The following RNGTT variants were observed in gnomAD, a reference collection of about 807,000 sequenced individuals.
RNGTT encodes mRNA-capping enzyme.
Under a neutral mutation model 79.3 loss-of-function variants are expected in RNGTT, and 33 were observed. The observed-to-expected ratio is 0.42, with a 90% CI of 0.32 to 0.56. The LOEUF is 0.56. Ranked by LOEUF, RNGTT falls within the 20% of genes least tolerant of loss-of-function variation. RNGTT has a pLI of 0.17. For missense variants in RNGTT, 497 were observed against 739.1 expected (o/e 0.67, Z 3.80); for synonymous variants, 222 against 235.9 (o/e 0.94, Z 0.54).
intron 8 of RNGTT, among the ~76,000 whole-genome samples, chr6:88,855,197 A>G (rs1022341456): frequency 2.0e-5 from 3 of 152,220 alleles, no homozygotes; most frequent in African/African-American, 7.2e-5. Context: ...GCAACGACTG[A>G]AAGATGCAGC....
intron 9 of RNGTT, among the ~76,000 whole-genome samples, chr6:88,850,327 T>C (rs1269932579): frequency 6.6e-6 from 1 of 152,022 alleles, no homozygotes; most frequent in Admixed American, 6.5e-5. Context: ...TACTAGGCTT[T>C]GTTCAAAGGG....
intron 8 of RNGTT, among the ~76,000 whole-genome samples, chr6:88,866,616 A>C (rs1419726391): frequency 1.3e-5 from 2 of 152,198 alleles, no homozygotes; most frequent in African/African-American, 2.4e-5. Context: ...CTGATCATCT[A>C]AAGTCCAGAA....
At chr6:88,774,013 G>A (rs901797792) in intron 12 of RNGTT, among the ~76,000 whole-genome samples, 7 of 152,048 alleles carry the variant, frequency 4.6e-5, no homozygotes, top group African/African-American at 1.4e-4. Flanking sequence ...TCAAGAAAGT[G>A]AAAAGACAAC....
chr6:88,611,050 C>T lies in RNGTT; in HGVS notation c.*1669G>A, dbSNP rs985621425. The T allele has an allele frequency of 1.3e-5, 2 of 152,040 alleles. No individual in the cohort carries two copies. Among genetic ancestry groups the T allele is most frequent in the Non-Finnish European group, 2.9e-5 (2 of 68,020 alleles). 9.4% of individuals were successfully genotyped at this position (152,040 alleles called of 1,614,324 possible). ...TCAGTTGTTTTAATCCCTTTAGCGCCCAAATGTGCAAAAACACTCTAGTAA... is the reference window on the plus strand; with the variant it reads ...TCAGTTGTTTTAATCCCTTTAGCGCTCAAATGTGCAAAAACACTCTAGTAA... On this transcript the variant is annotated 3_prime_UTR_variant, in exon 16 of 16. Coordinates refer to ENST00000369485, the MANE Select transcript of RNGTT (RefSeq NM_003800.5).
chr6:88,882,781 T>C (rs368427931), intron 8 of RNGTT, among the ~76,000 whole-genome samples: 2 of 152,326 alleles, frequency 1.3e-5, no homozygotes, highest in East Asian at 3.9e-4. Context: ...GCACAAAGCA[T>C]TCGCCCCTTC....
chr6:88,766,949 C>T (rs1217709524), intron 13 of RNGTT, among the ~76,000 whole-genome samples: 1 of 152,044 alleles, frequency 6.6e-6, no homozygotes, highest in East Asian at 1.9e-4. Flanking sequence ...CTAGTATAGA[C>T]ATATTTCTTA....
chr6:88,809,632 T>G (rs913303115), intron 11 of RNGTT, among the ~76,000 whole-genome samples: 1 of 152,052 alleles, frequency 6.6e-6, no homozygotes, highest in Non-Finnish European at 1.5e-5. Context: ...AAAGAAGAAA[T>G]TAAAAGGGAA....
chr6:88,836,396 A>G lies in RNGTT; in HGVS notation c.1269+7961T>C, dbSNP rs146615369. Reference sequence around the variant, plus strand: ...TTTAAAACTCTCACAATCCTGGGAAAGATGAAAAAATAAACCAAAACCGCA... The same window carrying G: ...TTTAAAACTCTCACAATCCTGGGAAGGATGAAAAAATAAACCAAAACCGCA... On this transcript the variant is annotated intron_variant, in intron 11 of 15. Transcript: ENST00000369485. Among the ~76,000 whole-genome samples the G allele has an allele frequency of 5.1e-3, 771 of 152,244 alleles. 5 individuals carry two copies. Among genetic ancestry groups the G allele is most frequent in the African/African-American group, 0.017 (715 of 41,538 alleles).
chr6:88,737,976 C>T (rs1433658144), intron 13 of RNGTT, among the ~76,000 whole-genome samples: 1 of 152,126 alleles, frequency 6.6e-6, no homozygotes. Flanking sequence ...GTAGGCTTCA[C>T]ATAGTGATTT....
intron 2 of RNGTT, 101 bp from the exon 3 acceptor site, chr6:88,929,368 G>A (rs932980469): frequency 1.4e-5 from 10 of 709,838 alleles, no homozygotes; most frequent in Non-Finnish European, 2.4e-5. Context: ...CATTTACATT[G>A]AGGGAGATTC....
intron 4 of RNGTT, among the ~76,000 whole-genome samples, chr6:88,917,933 A>G (rs1214869590): frequency 6.6e-6 from 1 of 152,168 alleles, no homozygotes; most frequent in Non-Finnish European, 1.5e-5. Context: ...AAGAACAAAA[A>G]CACAGGGTCA....
intron 2 of RNGTT, among the ~76,000 whole-genome samples, chr6:88,939,716 T>A (rs1784784615): frequency 6.6e-6 from 1 of 151,894 alleles, no homozygotes; most frequent in Non-Finnish European, 1.5e-5. Context: ...CTCTTTCATG[T>A]TTGCCATGTC....
chr6:88,730,203 C>A (rs1777060828), intron 13 of RNGTT, among the ~76,000 whole-genome samples: 1 of 152,186 alleles, frequency 6.6e-6, no homozygotes. Context: ...TCTTTGCCTT[C>A]TACTTTTAAA....
intron 13 of RNGTT, among the ~76,000 whole-genome samples, chr6:88,765,502 C>T (rs75429403): frequency 0.013 from 1,966 of 152,148 alleles, 43 homozygotes; most frequent in African/African-American, 0.045. Context: ...TCATCTTAGC[C>T]CATTAGCTTG....
intron 11 of RNGTT, among the ~76,000 whole-genome samples, chr6:88,823,950 C>T (rs1261285402): frequency 3.3e-5 from 5 of 152,006 alleles, no homozygotes. Context: ...AATAAAAACA[C>T]TAGTGAACAG....
At chr6:88,803,634 T>A (rs1469994162) in intron 11 of RNGTT, among the ~76,000 whole-genome samples, 50 of 93,132 alleles carry the variant, frequency 5.4e-4, no homozygotes, top group South Asian at 9.8e-4. Flanking sequence ...AATGATGCAA[T>A]AAAAACCAAA....
intron 2 of RNGTT, among the ~76,000 whole-genome samples, chr6:88,939,077 C>T (rs906196444): frequency 3.9e-5 from 6 of 152,108 alleles, no homozygotes; most frequent in Non-Finnish European, 7.4e-5. Context: ...GACTATAACG[C>T]GTTGTGGAGA....
chr6:88,635,030 G>C (rs964925435), intron 14 of RNGTT, among the ~76,000 whole-genome samples: 2 of 152,008 alleles, frequency 1.3e-5, no homozygotes, highest in African/African-American at 4.8e-5. Context: ...ATTGTGGATG[G>C]AGAATTGAGG....
At chr6:88,843,326 C>T (rs1251526202) in intron 11 of RNGTT, among the ~76,000 whole-genome samples, 1 of 151,974 alleles carries the variant, frequency 6.6e-6, no homozygotes, top group Non-Finnish European at 1.5e-5. Flanking sequence ...AAAATGTTCA[C>T]TGAAACAGTG....
Sources: allele counts gnomAD v4.1 joint callset (sites outside exome capture counted in the v4.1 genomes callset), GRCh38; gene constraint gnomAD v4.1.1; transcripts MANE v1.5; gene names NCBI Gene and HGNC (gene_info 2026-07-23, HGNC 2026-07-21).